The following LTBP2 variants were observed in gnomAD, a reference collection of about 807,000 sequenced individuals.
LTBP2 encodes the protein latent-transforming growth factor beta-binding protein 2.
In LTBP2, 103 loss-of-function variants were observed where a neutral mutation model predicts 210.6. The observed-to-expected ratio is 0.49, with a 90% CI of 0.42 to 0.58. The LOEUF (loss-of-function observed/expected upper bound fraction) is 0.58, where lower values mean the gene tolerates loss of function less well. Among genes scored for constraint, LTBP2 ranks in the 20% least tolerant of loss-of-function variants. LTBP2 has a pLI of 0.00. For synonymous variants in LTBP2, 1,007 were observed against 1,015.0 expected, an observed-to-expected ratio of 0.99 and a Z score of 0.15; for missense variants, 2,313 against 2,494.5, an observed-to-expected ratio of 0.93 and a Z score of 1.55.
intron 19 of LTBP2, 141 bp downstream of exon 19, chr14:74,511,104 C>T: frequency 1.4e-6 from 2 of 1,382,674 alleles, no homozygotes; most frequent in Non-Finnish European, 2.0e-6. Context: ...CCAGCGTCAT[C>T]TGGGAACCCA....
chr14:74,510,188 C>CCCGG lies in LTBP2; in HGVS notation c.3050_3053dup (p.Val1019ArgfsTer20). ...TGGTGCACTTTCCATGGGCACAGACCCCGGGAGTCAGACACTCATTCACAT... is the reference window on the plus strand; with the variant it reads ...TGGTGCACTTTCCATGGGCACAGACCCCGGCCGGGAGTCAGACACTCATTCACAT... On this transcript the variant is annotated frameshift_variant, in exon 20 of 36. Coordinates refer to ENST00000261978, the MANE Select transcript of LTBP2 (RefSeq NM_000428.3). LOFTEE classifies it high-confidence loss of function. 6.2e-7 allele frequency: 1 copy of CCCGG among 1,613,952 alleles called. No homozygotes were observed. The highest frequency in any genetic ancestry group is 8.5e-7 in the Non-Finnish European group (1 of 1,180,024).
chr14:74,562,533 G>T (rs556422523), intron 3 of LTBP2, among the ~76,000 whole-genome samples: 1 of 152,178 alleles, frequency 6.6e-6, no homozygotes, highest in South Asian at 2.1e-4. Context: ...GAAAAGATGA[G>T]TCTCCATAAT....
intron 8 of LTBP2, among the ~76,000 whole-genome samples, chr14:74,548,888 T>C (rs1191960833): frequency 6.6e-6 from 1 of 152,200 alleles, no homozygotes; most frequent in Non-Finnish European, 1.5e-5. Flanking sequence ...TGTTAGACAT[T>C]TAAGCCTGGG....
At chr14:74,548,882 A>G (rs2087612224) in intron 8 of LTBP2, among the ~76,000 whole-genome samples, 1 of 152,244 alleles carries the variant, frequency 6.6e-6, no homozygotes, top group South Asian at 2.1e-4. Context: ...AGTATGTGTT[A>G]GACATTTAAG....
Position 74,509,244 on chromosome 14 carries a change from A to G in LTBP2, c.3397T>C (p.Cys1133Arg). 1 of 1,613,568 alleles carries G rather than the reference A, an allele frequency of 6.2e-7. No individual in the cohort carries two copies. Among genetic ancestry groups the G allele is most frequent in the South Asian group, 1.1e-5 (1 of 91,078 alleles). ...CCCACACAGAGGCTCATACCTTCAC[A>G]GGAGTCACCCAGGGGGCTGGGCCGG... ...GYRPSPLGDSCEDVDECEDPQ... is the reference protein window; with the variant it reads ...GYRPSPLGDSREDVDECEDPQ... Residue 1133 changes from cysteine (C) to arginine (R), a missense_variant, in exon 22 of 36, where the codon TGT becomes CGT. Cys to Arg is a radical substitution (Grantham distance 180, BLOSUM62 -3). Transcript: ENST00000261978.
intron 3 of LTBP2, among the ~76,000 whole-genome samples, chr14:74,580,551 T>C (rs773987076): frequency 2.0e-5 from 3 of 152,176 alleles, no homozygotes; most frequent in Non-Finnish European, 4.4e-5. Context: ...ACCTTCTCCC[T>C]CAGAGTCTCA....
At chr14:74,524,109 G>T (rs533256467) in intron 15 of LTBP2, among the ~76,000 whole-genome samples, 14 of 152,096 alleles carry the variant, frequency 9.2e-5, no homozygotes, top group South Asian at 4.1e-4. Context: ...CATGCCAAGA[G>T]CTGCTGCTGA....
rs1368531345 is a variant in LTBP2 at position 74,498,742 on chromosome 14, G to A, written c.*2142C>T. 7 of 231,808 alleles carry A rather than the reference G, an allele frequency of 3.0e-5. No homozygotes were observed. The highest frequency in any genetic ancestry group is 1.8e-4 in the South Asian group (1 of 5,526). The allele number at this position is 231,808 out of a possible 1,614,324, so 14.4% of individuals were successfully genotyped here. A position where few individuals can be genotyped will look rare whatever the true frequency, so the allele number is the denominator to read the frequency against. ...GTTCTCCGATGGTGAGGTATAAGGCGGAGTGGCAAGGATGAGGTGAACAGA... is the reference window on the plus strand; with the variant it reads ...GTTCTCCGATGGTGAGGTATAAGGCAGAGTGGCAAGGATGAGGTGAACAGA... On this transcript the variant is annotated 3_prime_UTR_variant, in exon 36 of 36. Coordinates refer to ENST00000261978, the MANE Select transcript of LTBP2 (RefSeq NM_000428.3).
At chr14:74,528,757 G>A in intron 11 of LTBP2, 59 bp from the exon 12 acceptor site, 1 of 1,587,452 alleles carries the variant, frequency 6.3e-7, no homozygotes, top group African/African-American at 1.3e-5. Context: ...GGAAACCAGG[G>A]CCTTCCTTTC....
intron 2 of LTBP2, among the ~76,000 whole-genome samples, chr14:74,603,247 C>A (rs1391307902): frequency 2.0e-5 from 3 of 152,196 alleles, no homozygotes; most frequent in Non-Finnish European, 2.9e-5. Flanking sequence ...CCTACCTCAG[C>A]CTCCCGAGTA....
intron 3 of LTBP2, among the ~76,000 whole-genome samples, chr14:74,575,068 C>T (rs1312955802): frequency 6.6e-6 from 1 of 152,222 alleles, no homozygotes; most frequent in Admixed American, 6.5e-5. Flanking sequence ...AGAAGGAAGG[C>T]ACACTGGCCC....
Position 74,532,565 on chromosome 14 carries a change from G to A in LTBP2, c.1865-17C>T, listed in dbSNP as rs1243010244. 3.1e-6 allele frequency: 5 copies of A among 1,613,656 alleles called. No individual in the cohort carries two copies. Among genetic ancestry groups the A allele is most frequent in the Non-Finnish European group, 4.2e-6 (5 of 1,179,868 alleles). ...CGTTGATATCTGCAGGGTTGGAGGA[G>A]ATGACCAAGTGCCCGCCCCACGGAG... is the stretch of plus-strand genomic sequence containing the variant. On this transcript the variant is annotated splice_polypyrimidine_tract_variant and intron_variant, in intron 9 of 35. Transcript: ENST00000261978.
Position 74,508,654 on chromosome 14 carries a change from CAG to C in LTBP2, c.3600_3601del (p.Phe1200LeufsTer45). ...GCTGACGAAGCCAGGCGCGCACAGACAGAAGAAAGACCCGTGGCTGTTGAGGC... is the reference window on the plus strand; with the variant it reads ...GCTGACGAAGCCAGGCGCGCACAGACAAGAAAGACCCGTGGCTGTTGAGGC... On this transcript the variant is annotated frameshift_variant, in exon 24 of 36. Coordinates refer to ENST00000261978, the MANE Select transcript of LTBP2 (RefSeq NM_000428.3). LOFTEE classifies it high-confidence loss of function. 6.2e-7 allele frequency: 1 copy of C among 1,613,200 alleles called. No individual in the cohort carries two copies. Among genetic ancestry groups the C allele is most frequent in the Non-Finnish European group, 8.5e-7 (1 of 1,179,974 alleles).
chr14:74,569,673 C>T (rs944673878), intron 3 of LTBP2, among the ~76,000 whole-genome samples: 1 of 152,174 alleles, frequency 6.6e-6, no homozygotes, highest in Non-Finnish European at 1.5e-5. Flanking sequence ...GCGTCAGAGT[C>T]CTTCCCACAC....
At chr14:74,567,904 G>A (rs751322436) in intron 3 of LTBP2, among the ~76,000 whole-genome samples, 5 of 152,068 alleles carry the variant, frequency 3.3e-5, no homozygotes, top group Non-Finnish European at 7.4e-5. Flanking sequence ...GAGTTCCCTC[G>A]GGAAGACTTG....
intron 3 of LTBP2, among the ~76,000 whole-genome samples, chr14:74,561,137 G>A (rs577163277): frequency 6.6e-6 from 1 of 152,242 alleles, no homozygotes; most frequent in South Asian, 2.1e-4. Flanking sequence ...TGGCCAACAT[G>A]GTGAAACCTG....
intron 3 of LTBP2, among the ~76,000 whole-genome samples, chr14:74,569,412 T>A (rs1481723356): frequency 6.6e-6 from 1 of 152,202 alleles, no homozygotes; most frequent in Non-Finnish European, 1.5e-5. Context: ...GACCCCCTCT[T>A]AGCACAGGTT....
At chr14:74,508,782 C>A in intron 23 of LTBP2, 48 bp downstream of exon 23, 2 of 1,613,626 alleles carry the variant, frequency 1.2e-6, no homozygotes, top group South Asian at 1.1e-5. Flanking sequence ...CCTGCCTCCC[C>A]ACACACTCAT....
intron 15 of LTBP2, among the ~76,000 whole-genome samples, chr14:74,524,503 G>A (rs535460553): frequency 2.6e-5 from 4 of 152,152 alleles, no homozygotes; most frequent in African/African-American, 9.6e-5. Context: ...AGGGAGCAGC[G>A]GCAACAACAC....
Sources: allele counts gnomAD v4.1 joint callset (sites outside exome capture counted in the v4.1 genomes callset), GRCh38; gene constraint gnomAD v4.1.1; transcripts MANE v1.5; gene names NCBI Gene and HGNC (gene_info 2026-07-23, HGNC 2026-07-21).